PGLYRP3: variants seen among roughly 807,000 people sequenced by gnomAD.
The protein encoded by PGLYRP3 is peptidoglycan recognition protein 3.
In PGLYRP3, 39 loss-of-function variants were observed where a neutral mutation model predicts 36.0. The observed-to-expected ratio is 1.08, with a 90% CI of 0.84 to 1.41. The LOEUF (loss-of-function observed/expected upper bound fraction) is 1.41, where lower values mean the gene tolerates loss of function less well. PGLYRP3 is among the 40% of genes most tolerant of loss of function. The pLI is 0.00. For missense variants in PGLYRP3, 407 were observed against 427.9 expected, an observed-to-expected ratio of 0.95 and a Z score of 0.43; for synonymous variants, 204 against 172.8, an observed-to-expected ratio of 1.18 and a Z score of -1.42.
chr1:153,302,693 C>G, intron 5 of PGLYRP3, 86 bp from the exon 6 acceptor site: 1 of 1,300,648 alleles, frequency 7.7e-7, no homozygotes, highest in Non-Finnish European at 1.1e-6. Context: ...GATTATTCCT[C>G]AGCCTCTCCC....
At chr1:153,307,835 C>A (rs1379801534) in intron 2 of PGLYRP3, among the ~76,000 whole-genome samples, 1 of 152,146 alleles carries the variant, frequency 6.6e-6, no homozygotes, top group Non-Finnish European at 1.5e-5. Context: ...AGCGGCAGGG[C>A]TGTGAGATCC....
In PGLYRP3 at chr1:153,308,119, C is replaced by G. The variant is rs143513846; in HGVS notation, c.56-852G>C. ...AAGCAATTCTCTTGCTTCAGCCTCCCGAGTAACTGGAATTACAGGTGCATG... is the reference window on the plus strand; with the variant it reads ...AAGCAATTCTCTTGCTTCAGCCTCCGGAGTAACTGGAATTACAGGTGCATG... On this transcript the variant is annotated intron_variant, in intron 2 of 7. Transcript: ENST00000683862. Among the ~76,000 whole-genome samples, 740 of 152,128 alleles carry G rather than the reference C, an allele frequency of 4.9e-3. 7 individuals are homozygous for G. The highest frequency in any genetic ancestry group is 0.017 in the African/African-American group (715 of 41,506).
chr1:153,308,804 T>G (rs1659821861), intron 2 of PGLYRP3, among the ~76,000 whole-genome samples: 1 of 152,128 alleles, frequency 6.6e-6, no homozygotes, highest in Non-Finnish European at 1.5e-5. Context: ...GCCTCTGCCT[T>G]CCACATCTGC....
chr1:153,297,859 G>T lies in PGLYRP3; in HGVS notation c.*97C>A. 1 of 1,350,234 alleles carries T rather than the reference G, an allele frequency of 7.4e-7. No individual in the cohort carries two copies. The highest frequency in any genetic ancestry group is 1.0e-6 in the Non-Finnish European group (1 of 970,794). 83.6% of individuals were successfully genotyped at this position (1,350,234 alleles called of 1,614,324 possible). A position where few individuals can be genotyped will look rare whatever the true frequency, so the allele number is the denominator to read the frequency against. On this transcript the variant is annotated 3_prime_UTR_variant, in exon 8 of 8. Transcript: ENST00000683862. ...AACCTGAGAAAGGATGGGCTGGCAGGGGAGGGGGACACAAGGTGCTGAGCC... is the reference window on the plus strand; with the variant it reads ...AACCTGAGAAAGGATGGGCTGGCAGTGGAGGGGGACACAAGGTGCTGAGCC...
At chr1:153,303,816 T>A (rs779803170) in intron 5 of PGLYRP3, 41 bp downstream of exon 5, 1 of 1,576,950 alleles carries the variant, frequency 6.3e-7, no homozygotes, top group Non-Finnish European at 8.7e-7. Flanking sequence ...CATGGCTAGG[T>A]GGTGACGAGG....
At chr1:153,300,618 C>G (rs1308569919) in intron 6 of PGLYRP3, among the ~76,000 whole-genome samples, 1 of 152,188 alleles carries the variant, frequency 6.6e-6, no homozygotes, top group African/African-American at 2.4e-5. Context: ...GTAACAAGAA[C>G]TTTTGCCAAA....
At position 153,308,503 on chromosome 1, in the gene PGLYRP3, C is replaced by T. The variant is rs550913356; in HGVS notation, c.56-1236G>A. Reference sequence around the variant, plus strand: ...AAGAAGCCCCAGCCAATCTCCAAACCGCCTCACCATTGCGACCCTTGTGAA... The same window carrying T: ...AAGAAGCCCCAGCCAATCTCCAAACTGCCTCACCATTGCGACCCTTGTGAA... On this transcript the variant is annotated intron_variant, in intron 2 of 7. Transcript: ENST00000683862. Among the ~76,000 whole-genome samples, 9 of 152,302 alleles carry T rather than the reference C, an allele frequency of 5.9e-5. No individual in the cohort carries two copies. The East Asian group carries it at 9.7e-4, about 16-fold the overall frequency.
chr1:153,301,626 G>C lies in PGLYRP3; in HGVS notation c.728+783C>G, dbSNP rs139510893. On this transcript the variant is annotated intron_variant, in intron 6 of 7. Transcript: ENST00000683862. Reference sequence around the variant, plus strand: ...CAAGAGTTCCCTCCTGTTTGCAAAGGCTGCTTTTAAAACAGGAGTTAAAAG... The same window carrying C: ...CAAGAGTTCCCTCCTGTTTGCAAAGCCTGCTTTTAAAACAGGAGTTAAAAG... Among the ~76,000 whole-genome samples the C allele has an allele frequency of 6.7e-3, 1,022 of 152,318 alleles. 13 individuals carry two copies. Among genetic ancestry groups the C allele is most frequent in the Middle Eastern group, 0.044 (13 of 294 alleles).
At chr1:153,302,790 T>C (rs901028105) in intron 5 of PGLYRP3, among the ~76,000 whole-genome samples, 183 bp from the exon 6 acceptor site, 7 of 152,170 alleles carry the variant, frequency 4.6e-5, no homozygotes, top group Non-Finnish European at 1.0e-4. Flanking sequence ...CTGATTCAGA[T>C]GGCTGGAGCC....
At chr1:153,299,264 C>T (rs1243470239) in intron 6 of PGLYRP3, 33 bp from the exon 7 acceptor site, 2 of 1,500,564 alleles carry the variant, frequency 1.3e-6, no homozygotes, top group East Asian at 2.3e-5. Context: ...AAGACAGTCA[C>T]TCTGGGAAAC....
At chr1:153,303,222 G>C (rs1302923208) in intron 5 of PGLYRP3, among the ~76,000 whole-genome samples, 1 of 152,174 alleles carries the variant, frequency 6.6e-6, no homozygotes, top group Non-Finnish European at 1.5e-5. Context: ...TCAAAATAGT[G>C]CATTATTTTT....
chr1:153,308,267 T>C (rs967934164), intron 2 of PGLYRP3, among the ~76,000 whole-genome samples: 1 of 152,176 alleles, frequency 6.6e-6, no homozygotes, highest in African/African-American at 2.4e-5. Flanking sequence ...GTGCTGGGAT[T>C]ATAGGCGTGA....
At position 153,297,542 on chromosome 1, in the gene PGLYRP3, G is replaced by A. The variant is rs1330892989; in HGVS notation, c.*414C>T. Among the ~76,000 whole-genome samples the A allele has an allele frequency of 9.7e-4, 87 of 89,542 alleles. 1 individual carries two copies. Among genetic ancestry groups the A allele is most frequent in the African/African-American group, 4.0e-3 (80 of 20,048 alleles). The allele number at this position is 89,542 out of a possible 152,430, so 58.7% of individuals were successfully genotyped here. A position where few individuals can be genotyped will look rare whatever the true frequency, so the allele number is the denominator to read the frequency against. On this transcript the variant is annotated 3_prime_UTR_variant, in exon 8 of 8. Coordinates refer to ENST00000683862, the MANE Select transcript of PGLYRP3 (RefSeq NM_052891.3). The stretch of plus-strand genomic sequence containing the variant: ...AGGAAGGAAGGAAGGAAGGAAGGAA[G>A]GAAGGAAGGAAAGAAAGAAAAAGAA...
intron 3 of PGLYRP3, among the ~76,000 whole-genome samples, chr1:153,305,474 T>TG (rs1365224230): frequency 2.0e-5 from 3 of 152,240 alleles, no homozygotes; most frequent in Non-Finnish European, 4.4e-5. Context: ...TTTGTATTGA[T>TG]GTTTTTCTTC....
chr1:153,310,639 G>A lies in PGLYRP3; in HGVS notation c.27C>T (p.Ala9=). Residue 9 remains alanine, a synonymous_variant, in exon 2 of 8, where the codon GCC becomes GCT. Transcript: ENST00000683862. ...AAGCCTGGAGACCCAGAATGAAGAA[G>A]GCAAGAAGCCATGGCAGCGTCCCCA... MGTLPWLL[A]FFILGLQAWD... The A allele has an allele frequency of 6.2e-7, 1 of 1,614,156 alleles. No homozygotes were observed. Among genetic ancestry groups the A allele is most frequent in the Non-Finnish European group, 8.5e-7 (1 of 1,180,000 alleles).
chr1:153,297,396 G>C lies in PGLYRP3; in HGVS notation c.*560C>G, dbSNP rs969883510. ...AGGTCATGGGTGAGGGATGAAGGGT[G>C]GGGGCTTCCAGGCAGAAAACAGGGA... On this transcript the variant is annotated 3_prime_UTR_variant, in exon 8 of 8. Transcript: ENST00000683862. Among the ~76,000 whole-genome samples, 1 of 150,212 alleles carries C rather than the reference G, an allele frequency of 6.7e-6. No homozygotes were observed. Among genetic ancestry groups the C allele is most frequent in the African/African-American group, 2.5e-5 (1 of 40,472 alleles).
chr1:153,307,332 A>G, intron 2 of PGLYRP3, 65 bp from the exon 3 acceptor site: 1 of 1,482,006 alleles, frequency 6.7e-7, no homozygotes, highest in South Asian at 1.2e-5. Flanking sequence ...CAGGTCGACC[A>G]TGTGCCCTGA....
rs34391119 is a variant in PGLYRP3, at chr1:153,299,145, G to A, written c.815C>T (p.Ala272Val). ...GSHTYGFNDI[A>V]LGIAFIGYFV... is the part of the protein sequence containing the mutation. ...GTAGCCGATGAAGGCAATTCCTAGG[G>A]CAATATCGTTGAATCCATAAGTGTG... is the stretch of plus-strand genomic sequence containing the variant. The change falls in exon 7 of 8, where the codon GCC becomes GTC. Residue 272 changes from alanine (A) to valine (V), a missense_variant. By Grantham distance (64) the Ala-to-Val change is moderately conservative. Transcript: ENST00000683862. 35,516 of 1,613,990 alleles carry A rather than the reference G, an allele frequency of 0.022. 461 individuals are homozygous for A. The highest frequency in any genetic ancestry group is 0.026 in the Non-Finnish European group (31,257 of 1,179,972).
At chr1:153,307,788 G>C (rs1157771332) in intron 2 of PGLYRP3, among the ~76,000 whole-genome samples, 1 of 152,104 alleles carries the variant, frequency 6.6e-6, no homozygotes, top group East Asian at 1.9e-4. Flanking sequence ...CCATAAACAC[G>C]GGGTCTGCAC....
Sources: gnomAD v4.1 joint callset for allele counts (sites outside exome capture counted in the v4.1 genomes callset) on GRCh38, gnomAD v4.1.1 for gene constraint, MANE v1.5 for transcripts, NCBI Gene and HGNC (gene_info 2026-07-23, HGNC 2026-07-21) for gene names.